Variants in ARHGAP15 observed in about 807,000 individuals in gnomAD.
ARHGAP15 encodes the protein Rho GTPase activating protein 15, also known as rho GTPase-activating protein 15.
A neutral mutation model predicts 63.7 loss-of-function variants in ARHGAP15; 51 were observed. The observed-to-expected ratio is 0.80, with a 90% CI of 0.64 to 1.01. The LOEUF (loss-of-function observed/expected upper bound fraction) is 1.01. Among genes scored for constraint, ARHGAP15 ranks in the 50% least tolerant of loss-of-function variants. The pLI is 0.00. For missense variants in ARHGAP15, 560 were observed against 564.6 expected (o/e 0.99, Z 0.08); for synonymous variants, 191 against 193.8 (o/e 0.99, Z 0.12).
chr2:143,644,907 C>T (rs1372517245), intron 12 of ARHGAP15, among the ~76,000 whole-genome samples: 2 of 151,974 alleles, frequency 1.3e-5, no homozygotes, highest in Non-Finnish European at 2.9e-5. Flanking sequence ...AACTCAGACC[C>T]CTTCTATCTG....
At chr2:143,714,231 T>A (rs1684709513) in intron 13 of ARHGAP15, among the ~76,000 whole-genome samples, 1 of 152,208 alleles carries the variant, frequency 6.6e-6, no homozygotes, top group Non-Finnish European at 1.5e-5. Flanking sequence ...ACCACATAGC[T>A]GCCAAGGCTT....
intron 10 of ARHGAP15, among the ~76,000 whole-genome samples, chr2:143,537,801 G>A (rs533799665): frequency 6.6e-6 from 1 of 152,300 alleles, no homozygotes; most frequent in Non-Finnish European, 1.5e-5. Flanking sequence ...GTAGTTTGAA[G>A]TCAGGTAGCA....
intron 6 of ARHGAP15, among the ~76,000 whole-genome samples, chr2:143,361,833 T>C (rs1317902849): frequency 1.3e-5 from 2 of 152,178 alleles, no homozygotes; most frequent in Non-Finnish European, 2.9e-5. Context: ...GAGAGATTAT[T>C]CCAAAATGCA....
At chr2:143,396,480 C>A (rs1687764035) in intron 6 of ARHGAP15, among the ~76,000 whole-genome samples, 1 of 151,914 alleles carries the variant, frequency 6.6e-6, no homozygotes, top group African/African-American at 2.4e-5. Flanking sequence ...GTCAAGTGGT[C>A]CCCAGAGACC....
intron 2 of ARHGAP15, among the ~76,000 whole-genome samples, chr2:143,201,461 A>G (rs1692114505): frequency 1.3e-5 from 2 of 152,008 alleles, no homozygotes; most frequent in African/African-American, 4.8e-5. Flanking sequence ...AATCAGGGTA[A>G]TTGGGGTATT....
intron 6 of ARHGAP15, among the ~76,000 whole-genome samples, chr2:143,330,002 G>GA (rs1213306641): frequency 7.1e-6 from 1 of 141,292 alleles, no homozygotes; most frequent in Non-Finnish European, 1.5e-5. Flanking sequence ...TGAAGCAGGA[G>GA]AATCGCTTGA....
intron 8 of ARHGAP15, among the ~76,000 whole-genome samples, chr2:143,444,055 C>T (rs1030151435): frequency 6.6e-6 from 1 of 152,172 alleles, no homozygotes; most frequent in Admixed American, 6.5e-5. Context: ...GCATCAGCTA[C>T]TCTGAAAGTC....
intron 6 of ARHGAP15, among the ~76,000 whole-genome samples, chr2:143,308,477 A>AACACAC (rs4008341): frequency 3.0e-4 from 45 of 149,282 alleles, no homozygotes; most frequent in South Asian, 3.0e-3. Context: ...GTTGATAAGA[A>AACACAC]ACACACACAC....
At chr2:143,504,399 A>AT (rs769257883) in intron 9 of ARHGAP15, among the ~76,000 whole-genome samples, 41 of 152,164 alleles carry the variant, frequency 2.7e-4, no homozygotes, top group Non-Finnish European at 4.4e-4. Flanking sequence ...GGAAGGAAAT[A>AT]TTCTGCCTCA....
intron 13 of ARHGAP15, among the ~76,000 whole-genome samples, chr2:143,736,814 C>A (rs1437857360): frequency 6.6e-6 from 1 of 152,148 alleles, no homozygotes; most frequent in South Asian, 2.1e-4. Flanking sequence ...AGGACTAGAT[C>A]TAAAAGAAAG....
intron 5 of ARHGAP15, among the ~76,000 whole-genome samples, chr2:143,230,698 A>G (rs973525206): frequency 6.6e-6 from 1 of 152,334 alleles, no homozygotes; most frequent in Non-Finnish European, 1.5e-5. Context: ...TTTCTAACCC[A>G]GTATTAAAGG....
chr2:143,373,629 CAAAAAAAAAAAAA>C (rs58153000), intron 6 of ARHGAP15, among the ~76,000 whole-genome samples: 5 of 62,954 alleles, frequency 7.9e-5, no homozygotes, highest in Non-Finnish European at 1.5e-4. Context: ...GACTCTATCT[CAAAAAAAAAAAAA>C]AAAAAAAAAA....
intron 8 of ARHGAP15, among the ~76,000 whole-genome samples, chr2:143,471,734 G>T (rs1421546106): frequency 6.6e-6 from 1 of 152,128 alleles, no homozygotes; most frequent in Non-Finnish European, 1.5e-5. Context: ...TCAAGAAAGA[G>T]CAGGAAGACC....
chr2:143,162,938 A>G (rs1213201848), intron 2 of ARHGAP15, among the ~76,000 whole-genome samples: 4 of 152,052 alleles, frequency 2.6e-5, no homozygotes, highest in African/African-American at 4.8e-5. Flanking sequence ...AAGCTAGAAA[A>G]TGGTGTTTAC....
intron 6 of ARHGAP15, among the ~76,000 whole-genome samples, chr2:143,367,203 C>G (rs1441124627): frequency 1.3e-5 from 2 of 152,024 alleles, no homozygotes; most frequent in African/African-American, 4.8e-5. Context: ...AACCTCTCCA[C>G]TATTTGTGGA....
chr2:143,290,168 A>G lies in ARHGAP15; in HGVS notation c.474+39568A>G, dbSNP rs79431985. 4.6e-3 allele frequency among the ~76,000 whole-genome samples: 696 copies of G among 152,274 alleles called. 4 individuals are homozygous for G. Among genetic ancestry groups the G allele is most frequent in the African/African-American group, 0.016 (675 of 41,566 alleles). ...TCAACACAGCTCCATGACTTTCCCA[A>G]TAGCTATTTACGATCAGGAGAAGGG... On this transcript the variant is annotated intron_variant, in intron 6 of 13. Transcript: ENST00000295095.
chr2:143,559,083 G>A (rs1413906719), intron 11 of ARHGAP15, among the ~76,000 whole-genome samples: 1 of 152,084 alleles, frequency 6.6e-6, no homozygotes, highest in African/African-American at 2.4e-5. Flanking sequence ...CTTATAACCA[G>A]CTAAAATCAT....
intron 6 of ARHGAP15, among the ~76,000 whole-genome samples, chr2:143,394,857 T>G (rs1687690961): frequency 6.6e-6 from 1 of 152,156 alleles, no homozygotes; most frequent in African/African-American, 2.4e-5. Flanking sequence ...ATCAGCTGAT[T>G]ATCTTGCTAT....
chr2:143,622,725 A>G (rs1433896794), intron 11 of ARHGAP15, among the ~76,000 whole-genome samples: 1 of 150,356 alleles, frequency 6.7e-6, no homozygotes, highest in African/African-American at 2.5e-5. Context: ...TTGCAAACAC[A>G]CTGTTGAGCA....
Sources: gnomAD v4.1 joint callset for allele counts (sites outside exome capture counted in the v4.1 genomes callset) on GRCh38, gnomAD v4.1.1 for gene constraint, MANE v1.5 for transcripts, NCBI Gene and HGNC (gene_info 2026-07-23, HGNC 2026-07-21) for gene names.